Variants in PLA2R1 observed in about 807,000 individuals in gnomAD.
PLA2R1 encodes secretory phospholipase A2 receptor.
A neutral mutation model predicts 195.9 loss-of-function variants in PLA2R1; 158 were observed. The observed-to-expected ratio is 0.81, with a 90% confidence interval of 0.71 to 0.92. PLA2R1 has a LOEUF of 0.92. PLA2R1 is among the 40% of genes least tolerant of loss of function. PLA2R1 has a pLI of 0.00. For missense variants in PLA2R1, 1,626 were observed against 1,764.6 expected (o/e 0.92, Z 1.41); for synonymous variants, 586 against 598.2 (o/e 0.98, Z 0.30).
intron 1 of PLA2R1, among the ~76,000 whole-genome samples, chr2:160,053,435 T>C (rs942508587): frequency 1.3e-5 from 2 of 151,756 alleles, no homozygotes; most frequent in African/African-American, 4.8e-5. Context: ...CAGGGTGCAA[T>C]GAAAATACGT....
chr2:159,994,108 T>C (rs550098554), intron 11 of PLA2R1, among the ~76,000 whole-genome samples: 6 of 151,886 alleles, frequency 4.0e-5, no homozygotes, highest in Admixed American at 6.6e-5. Context: ...TATGTGCCTC[T>C]AGACAGAGCA....
chr2:159,986,594 T>C (rs1220247102), intron 12 of PLA2R1, among the ~76,000 whole-genome samples: 1 of 149,804 alleles, frequency 6.7e-6, no homozygotes, highest in Non-Finnish European at 1.5e-5. Context: ...CTTTCCTTTT[T>C]TTTTTTTTTT....
intron 1 of PLA2R1, among the ~76,000 whole-genome samples, chr2:160,057,297 C>T (rs1695613818): frequency 6.6e-6 from 1 of 152,182 alleles, no homozygotes; most frequent in Admixed American, 6.5e-5. Flanking sequence ...TGGCCAGTGC[C>T]TGTTTCCCAG....
intron 1 of PLA2R1, among the ~76,000 whole-genome samples, 176 bp from the exon 2 acceptor site, chr2:160,045,333 G>T (rs1452368932): frequency 6.6e-6 from 1 of 152,182 alleles, no homozygotes; most frequent in South Asian, 2.1e-4. Flanking sequence ...AAACAGAGGA[G>T]TTTCTTGGGA....
At chr2:159,951,180 A>C (rs1687714224) in intron 24 of PLA2R1, among the ~76,000 whole-genome samples, 160 bp downstream of exon 24, 1 of 152,248 alleles carries the variant, frequency 6.6e-6, no homozygotes. Flanking sequence ...GCTGTTCATA[A>C]GGTTGGTCAG....
intron 28 of PLA2R1, among the ~76,000 whole-genome samples, chr2:159,942,900 A>G (rs1299680146): frequency 6.6e-6 from 1 of 151,852 alleles, no homozygotes; most frequent in Non-Finnish European, 1.5e-5. Flanking sequence ...ATGCTCATTC[A>G]CTCTGATAGA....
chr2:159,949,590 G>A lies in PLA2R1; in HGVS notation c.3709+18C>T. 1 of 1,592,524 alleles carries A rather than the reference G, an allele frequency of 6.3e-7. No individual in the cohort carries two copies. The highest frequency in any genetic ancestry group is 2.2e-5 in the East Asian group (1 of 44,680). ...GTTAAATAAGGTATATTTTTGAGTT[G>A]AATAGAATTGAACCTACCAGGTGGC... On this transcript the variant is annotated intron_variant, in intron 25 of 29. Coordinates refer to ENST00000283243, the MANE Select transcript of PLA2R1 (RefSeq NM_007366.5).
At chr2:160,023,353 G>A (rs889931036) in intron 6 of PLA2R1, among the ~76,000 whole-genome samples, 2 of 152,116 alleles carry the variant, frequency 1.3e-5, no homozygotes, top group Admixed American at 6.5e-5. Context: ...AAACCAAGAC[G>A]GTGAGGAAGG....
intron 3 of PLA2R1, among the ~76,000 whole-genome samples, chr2:160,040,710 G>C (rs910726577): frequency 6.6e-6 from 1 of 152,180 alleles, no homozygotes; most frequent in African/African-American, 2.4e-5. Context: ...AGGATCCTAA[G>C]TCCTAAAACT....
chr2:160,039,481 T>C (rs1430571374), intron 3 of PLA2R1, among the ~76,000 whole-genome samples: 1 of 152,210 alleles, frequency 6.6e-6, no homozygotes, highest in Non-Finnish European at 1.5e-5. Flanking sequence ...ATCAACTTTT[T>C]TTTTAAATGT....
intron 2 of PLA2R1, among the ~76,000 whole-genome samples, chr2:160,043,196 G>T (rs1694657876): frequency 6.6e-6 from 1 of 152,080 alleles, no homozygotes; most frequent in South Asian, 2.1e-4. Flanking sequence ...GTCTCTTGCG[G>T]GTTTTGAATG....
chr2:159,977,346 T>A lies in PLA2R1; in HGVS notation c.2339A>T (p.Asn780Ile), dbSNP rs1689635709. The stretch of plus-strand genomic sequence containing the variant: ...ACAGTGTAAGGGCAGCAATGTTTTG[T>A]TTGCCTTATAAACAGCACAGTTTCT... ...DARNCAVYKA[N>I]KTLLPLHCGS... Residue 780 changes from asparagine (N) to isoleucine (I), a missense_variant, in exon 15 of 30, where the codon AAC becomes ATC. Asn to Ile is a moderately radical substitution (Grantham distance 149). Transcript: ENST00000283243. 1 of 1,613,142 alleles carries A rather than the reference T, an allele frequency of 6.2e-7. No homozygotes were observed. The highest frequency in any genetic ancestry group is 1.3e-5 in the African/African-American group (1 of 74,916).
In PLA2R1 at chr2:159,951,428, C is replaced by T. The variant is rs764941881; in HGVS notation, c.3452G>A (p.Ser1151Asn). 1 of 1,613,896 alleles carries T rather than the reference C, an allele frequency of 6.2e-7. No individual in the cohort carries two copies. The highest frequency in any genetic ancestry group is 1.7e-5 in the Admixed American group (1 of 60,006). The change falls in exon 24 of 30, where the codon AGC becomes AAC. Residue 1151 changes from serine (S) to asparagine (N), a missense_variant. Transcript: ENST00000283243. ...TCLMHKAQLV[S>N]ITDQYHQSFL... is the part of the protein sequence containing the mutation. ...GGACTGGTGATACTGGTCTGTGATGCTGACCAGTTGTGCTTTGTGCATCAG... is the reference window on the plus strand; with the variant it reads ...GGACTGGTGATACTGGTCTGTGATGTTGACCAGTTGTGCTTTGTGCATCAG...
At position 159,935,757 on chromosome 2, in the gene PLA2R1, C is replaced by G. The variant is rs1200934321; in HGVS notation, c.*6021G>C. 1.3e-5 allele frequency: 2 copies of G among 152,020 alleles called. No individual in the cohort carries two copies. The highest frequency in any genetic ancestry group is 2.9e-5 in the Non-Finnish European group (2 of 67,990). 9.4% of individuals were successfully genotyped at this position (152,020 alleles called of 1,614,324 possible). A position where few individuals can be genotyped will look rare whatever the true frequency, so the allele number is the denominator to read the frequency against. Reference sequence around the variant, plus strand: ...TGGAGATACTACAACAATTTGAATTCTATCATAATCTATTTAAAAATAGAA... The same window carrying G: ...TGGAGATACTACAACAATTTGAATTGTATCATAATCTATTTAAAAATAGAA... On this transcript the variant is annotated 3_prime_UTR_variant, in exon 30 of 30. Coordinates refer to ENST00000283243, the MANE Select transcript of PLA2R1 (RefSeq NM_007366.5).
At chr2:160,060,146 A>G (rs1455703471) in intron 1 of PLA2R1, among the ~76,000 whole-genome samples, 2 of 152,240 alleles carry the variant, frequency 1.3e-5, no homozygotes, top group Non-Finnish European at 2.9e-5. Context: ...TCTGCTGTGC[A>G]TTATTACATA....
chr2:159,951,823 T>G (rs570883524), intron 23 of PLA2R1, among the ~76,000 whole-genome samples: 1 of 152,352 alleles, frequency 6.6e-6, no homozygotes, highest in Admixed American at 6.5e-5. Flanking sequence ...TCTAGAAGAT[T>G]TCCCAGTTTT....
intron 23 of PLA2R1, among the ~76,000 whole-genome samples, chr2:159,952,765 A>G (rs1425333108): frequency 6.6e-6 from 1 of 152,320 alleles, no homozygotes; most frequent in South Asian, 2.1e-4. Flanking sequence ...AAAGCATCCT[A>G]TGAATGTTGC....
chr2:160,023,843 G>A (rs1159373249), intron 6 of PLA2R1, among the ~76,000 whole-genome samples: 3 of 152,202 alleles, frequency 2.0e-5, no homozygotes, highest in African/African-American at 7.2e-5. Flanking sequence ...AGCACATCAA[G>A]GGAGTAGCAG....
At chr2:159,976,280 T>TA in intron 16 of PLA2R1, 55 bp from the exon 17 acceptor site, 1 of 1,291,726 alleles carries the variant, frequency 7.7e-7, no homozygotes, top group Non-Finnish European at 1.1e-6. Flanking sequence ...ATGCTAGGAT[T>TA]GACCCCAAAT....
Sources: gnomAD v4.1 joint callset for allele counts (sites outside exome capture counted in the v4.1 genomes callset) on GRCh38, gnomAD v4.1.1 for gene constraint, MANE v1.5 for transcripts, NCBI Gene and HGNC (gene_info 2026-07-23, HGNC 2026-07-21) for gene names.